FBXO30: variants seen among roughly 807,000 people sequenced by gnomAD.
FBXO30 encodes F-box protein 30, also known as F-box only protein 30.
A neutral mutation model predicts 58.1 loss-of-function variants in FBXO30; 21 were observed. That is an observed-to-expected ratio of 0.36 (90% CI 0.26 to 0.52). The LOEUF is 0.52. Ranked by LOEUF, FBXO30 falls within the 20% of genes least tolerant of loss-of-function variation. The pLI, the probability that FBXO30 is intolerant of heterozygous loss-of-function variation, is 0.93. For missense variants in FBXO30, 744 were observed against 897.3 expected, an observed-to-expected ratio of 0.83 and a Z score of 2.18; for synonymous variants, 309 against 312.4, an observed-to-expected ratio of 0.99 and a Z score of 0.11.
chr6:145,805,895 A>G lies in FBXO30; in HGVS notation c.511T>C (p.Leu171=). The G allele has an allele frequency of 1.2e-6, 2 of 1,614,044 alleles. No individual in the cohort carries two copies. The highest frequency in any genetic ancestry group is 1.7e-6 in the Non-Finnish European group (2 of 1,179,986). ...SVPEIPHANG[L]VSVDEESYGA... The stretch of plus-strand genomic sequence containing the variant: ...TAAGATTCTTCATCAACAGACACTA[A>G]ACCATTAGCATGTGGTATTTCTGGG... The change falls in exon 2 of 3, where the codon TTA becomes CTA. Residue 171 remains leucine, a synonymous_variant. Transcript: ENST00000237281.
intron 2 of FBXO30, among the ~76,000 whole-genome samples, chr6:145,803,254 G>A (rs1307513036): frequency 6.6e-6 from 1 of 151,984 alleles, no homozygotes; most frequent in Non-Finnish European, 1.5e-5. Context: ...CCAAAGGGAA[G>A]AAAAGATACA....
At position 145,805,045 on chromosome 6, in the gene FBXO30, A is replaced by G. The variant is rs139127963; in HGVS notation, c.1361T>C (p.Ile454Thr). ...SDSRMADIYH[I>T]DVGTQTFSLP... ...TGAAAAAGTCTGAGTCCCAACGTCA[A>G]TGTGATAAATATCAGCCATGCGGCT... The change falls in exon 2 of 3, where the codon ATT (isoleucine) becomes ACT (threonine). Residue 454 changes from isoleucine (I) to threonine (T), a missense_variant. Coordinates refer to ENST00000237281, the MANE Select transcript of FBXO30 (RefSeq NM_032145.5). 1.5e-5 allele frequency: 25 copies of G among 1,613,884 alleles called. No homozygotes were observed. The East Asian group carries it at 3.3e-4, about 22-fold the overall frequency.
At chr6:145,802,093 A>C (rs551216058) in intron 2 of FBXO30, among the ~76,000 whole-genome samples, 1 of 152,240 alleles carries the variant, frequency 6.6e-6, no homozygotes, top group Admixed American at 6.5e-5. Flanking sequence ...TTCTCAAGGA[A>C]TTTACAGTCT....
Position 145,794,175 on chromosome 6 carries a change from T to A in FBXO30, c.*5931A>T, listed in dbSNP as rs1450519265. 6.6e-6 allele frequency: 1 copy of A among 152,006 alleles called. No homozygotes were observed. The highest frequency in any genetic ancestry group is 1.9e-4 in the East Asian group (1 of 5,198). The allele number at this position is 152,006 out of a possible 1,614,324, so 9.4% of individuals were successfully genotyped here. ...TGATTTATCTCTATGAATTTACCTATTCTGCATATTTCATATAAATGAAAT... is the reference window on the plus strand; with the variant it reads ...TGATTTATCTCTATGAATTTACCTAATCTGCATATTTCATATAAATGAAAT... On this transcript the variant is annotated 3_prime_UTR_variant, in exon 3 of 3. Transcript: ENST00000237281.
chr6:145,803,377 G>A (rs57057101), intron 2 of FBXO30, among the ~76,000 whole-genome samples: 11,633 of 152,072 alleles, frequency 0.076, 1,516 homozygotes, highest in African/African-American at 0.26. Context: ...ATCATTTATC[G>A]GTCAAGGCCT....
chr6:145,808,748 AG>A (rs1365228724), intron 1 of FBXO30, among the ~76,000 whole-genome samples: 3 of 152,220 alleles, frequency 2.0e-5, no homozygotes, highest in Non-Finnish European at 4.4e-5. Flanking sequence ...ATTACATTGT[AG>A]TAGACAAGAA....
chr6:145,802,197 A>C (rs1778021588), intron 2 of FBXO30, among the ~76,000 whole-genome samples: 1 of 152,168 alleles, frequency 6.6e-6, no homozygotes, highest in Non-Finnish European at 1.5e-5. Flanking sequence ...AAAGCAGTGC[A>C]ACAACTTGTC....
rs1777867620 is a variant in FBXO30, at chr6:145,796,437, C to T, written c.*3669G>A. On this transcript the variant is annotated 3_prime_UTR_variant, in exon 3 of 3. Transcript: ENST00000237281. ...AACTAATATTCTCTGCTTCCTAGAC[C>T]TTATGAGCATCTTAAGTAAGACTAC... 1 of 151,906 alleles carries T rather than the reference C, an allele frequency of 6.6e-6. No individual in the cohort carries two copies. The highest frequency in any genetic ancestry group is 2.1e-4 in the South Asian group (1 of 4,824). 9.4% of individuals were successfully genotyped at this position (151,906 alleles called of 1,614,324 possible). A position where few individuals can be genotyped will look rare whatever the true frequency, so the allele number is the denominator to read the frequency against.
In FBXO30 at chr6:145,808,568, TCTCA is replaced by T; in HGVS notation, c.-16-2151_-16-2148del. On this transcript the variant is annotated intron_variant, in intron 1 of 2. Transcript: ENST00000237281. ...TATTCTGTACATTCTCCCTGGGTGCTCTCATTTTCTCCAAAAGTTTCAATTACCA... is the reference window on the plus strand; with the variant it reads ...TATTCTGTACATTCTCCCTGGGTGCTTTTTCTCCAAAAGTTTCAATTACCA... Among the ~76,000 whole-genome samples, 6 of 152,282 alleles carry T rather than the reference TCTCA, an allele frequency of 3.9e-5. No homozygotes were observed. In the South Asian group the frequency reaches 1.2e-3, roughly 32 times the overall value.
At position 145,805,830 on chromosome 6, in the gene FBXO30, A is replaced by T. The variant is rs1267501952; in HGVS notation, c.576T>A (p.Ser192Arg). Residue 192 changes from serine (S) to arginine (R), a missense_variant, in exon 2 of 3, where the codon AGT becomes AGA. Around this residue, in one of 3 missense-constraint regions of FBXO30, gnomAD observed 275 missense variants for 262.0 expected, o/e 1.05. Transcript: ENST00000237281. ...TCAGGATATCCAAAGCAGCAGCCAAACTTCTGGTTGTTTCTACAGTAGCTT... is the reference window on the plus strand; with the variant it reads ...TCAGGATATCCAAAGCAGCAGCCAATCTTCTGGTTGTTTCTACAGTAGCTT... ...LYQATVETTR[S>R]LAAALDILNT... is the part of the protein sequence containing the mutation. 6.2e-7 allele frequency: 1 copy of T among 1,614,082 alleles called. No individual in the cohort carries two copies. The highest frequency in any genetic ancestry group is 8.5e-7 in the Non-Finnish European group (1 of 1,179,990).
At chr6:145,810,933 A>ATAG (rs1416920895) in intron 1 of FBXO30, among the ~76,000 whole-genome samples, 1 of 152,068 alleles carries the variant, frequency 6.6e-6, no homozygotes, top group Non-Finnish European at 1.5e-5. Context: ...CTCAACCCTA[A>ATAG]GTCTTGGCTT....
chr6:145,797,917 G>C lies in FBXO30; in HGVS notation c.*2189C>G, dbSNP rs755311851. ...GAGATGGTTTCCATGACAACTTTTA[G>C]AGCTATAACCATGCTAGAAACTCTT... is the stretch of plus-strand genomic sequence containing the variant. On this transcript the variant is annotated 3_prime_UTR_variant, in exon 3 of 3. Coordinates refer to ENST00000237281, the MANE Select transcript of FBXO30 (RefSeq NM_032145.5). 1 of 151,992 alleles carries C rather than the reference G, an allele frequency of 6.6e-6. No homozygotes were observed. Among genetic ancestry groups the C allele is most frequent in the Non-Finnish European group, 1.5e-5 (1 of 67,934 alleles). The allele number at this position is 151,992 out of a possible 1,614,324, so 9.4% of individuals were successfully genotyped here.
rs561105181 is a variant in FBXO30 at position 145,798,526 on chromosome 6, G to T, written c.*1580C>A. The T allele has an allele frequency of 1.3e-5, 2 of 152,524 alleles. No homozygotes were observed. The highest frequency in any genetic ancestry group is 2.1e-4 in the South Asian group (1 of 4,830). The allele number at this position is 152,524 out of a possible 1,614,324, so 9.4% of individuals were successfully genotyped here. A position where few individuals can be genotyped will look rare whatever the true frequency, so the allele number is the denominator to read the frequency against. ...TCTCTTTTCTGTTGTTTTTTCCACA[G>T]AAATAGAGACTGTTTATTCAATCTC... On this transcript the variant is annotated 3_prime_UTR_variant, in exon 3 of 3. Coordinates refer to ENST00000237281, the MANE Select transcript of FBXO30 (RefSeq NM_032145.5).
At chr6:145,801,673 A>G (rs1011410853) in intron 2 of FBXO30, among the ~76,000 whole-genome samples, 1 of 151,968 alleles carries the variant, frequency 6.6e-6, no homozygotes, top group East Asian at 1.9e-4. Flanking sequence ...GTTCAGCACA[A>G]CGGTACCCCC....
rs1408505436 is a variant in FBXO30 at position 145,794,043 on chromosome 6, A to C, written c.*6063T>G. On this transcript the variant is annotated 3_prime_UTR_variant, in exon 3 of 3. Coordinates refer to ENST00000237281, the MANE Select transcript of FBXO30 (RefSeq NM_032145.5). ...TTCACTGGCATTTTGGCACATTCAC[A>C]ATGTGCAACTATCCCCACTATCTTG... 1.3e-5 allele frequency: 2 copies of C among 151,984 alleles called. No homozygotes were observed. The highest frequency in any genetic ancestry group is 4.8e-5 in the African/African-American group (2 of 41,418). The allele number at this position is 151,984 out of a possible 1,614,324, so 9.4% of individuals were successfully genotyped here.
At position 145,806,174 on chromosome 6, in the gene FBXO30, C is replaced by G; in HGVS notation, c.232G>C (p.Glu78Gln). The G allele has an allele frequency of 6.2e-7, 1 of 1,614,098 alleles. No individual in the cohort carries two copies. The change falls in exon 2 of 3, where the codon GAA becomes CAA. Residue 78 changes from glutamate to glutamine, a missense_variant. Glu to Gln is a conservative substitution (Grantham distance 29). Transcript: ENST00000237281. ...PFTMARNKVAEHLEMCPASVV... is the reference protein window; with the variant it reads ...PFTMARNKVAQHLEMCPASVV... The stretch of plus-strand genomic sequence containing the variant: ...CTTGCAGGACACATTTCTAGATGTT[C>G]AGCAACTTTATTTCGGGCCATGGTA...
At chr6:145,806,878 A>T (rs920540032) in intron 1 of FBXO30, among the ~76,000 whole-genome samples, 1 of 152,212 alleles carries the variant, frequency 6.6e-6, no homozygotes, top group African/African-American at 2.4e-5. Flanking sequence ...AATTTCATGA[A>T]TATATTTAAA....
Position 145,805,174 on chromosome 6 carries a change from A to C in FBXO30, c.1232T>G (p.Leu411Trp), listed in dbSNP as rs200343922. 3.5e-5 allele frequency: 56 copies of C among 1,614,112 alleles called. No homozygotes were observed. The East Asian group carries it at 9.1e-4, about 26-fold the overall frequency. The change falls in exon 2 of 3, where the codon TTG becomes TGG. Residue 411 changes from leucine (L) to tryptophan (W), a missense_variant. By Grantham distance (61) the Leu-to-Trp change is moderately conservative. Transcript: ENST00000237281. The part of the protein sequence containing the change: ...KEDKAVDTSD[L>W]EVAEDPMGLQ... ...GCCCATAGGATCTTCTGCAACTTCC[A>C]AATCTGATGTATCTACTGCTTTATC...
At position 145,795,445 on chromosome 6, in the gene FBXO30, T is replaced by C. The variant is rs1193323703; in HGVS notation, c.*4661A>G. On this transcript the variant is annotated 3_prime_UTR_variant, in exon 3 of 3. Transcript: ENST00000237281. ...ATGCAAATGGGTTAATAAAATGATTTTGGAGATGCTTAAATTTTTACCCAG... is the reference window on the plus strand; with the variant it reads ...ATGCAAATGGGTTAATAAAATGATTCTGGAGATGCTTAAATTTTTACCCAG... 4 of 151,872 alleles carry C rather than the reference T, an allele frequency of 2.6e-5. No homozygotes were observed. Among genetic ancestry groups the C allele is most frequent in the Admixed American group, 2.6e-4 (4 of 15,226 alleles). The allele number at this position is 151,872 out of a possible 1,614,324, so 9.4% of individuals were successfully genotyped here.
Sources: allele counts gnomAD v4.1 joint callset (sites outside exome capture counted in the v4.1 genomes callset), GRCh38; gene constraint gnomAD v4.1.1; regional missense constraint gnomAD v4.1.1; transcripts MANE v1.5; gene names NCBI Gene and HGNC (gene_info 2026-07-23, HGNC 2026-07-21).